The following TMC1 variants were observed in gnomAD, a reference collection of about 807,000 sequenced individuals.
The protein encoded by TMC1 is transmembrane channel like 1, also known as transmembrane channel-like protein 1.
Under a neutral mutation model 105.8 loss-of-function variants are expected in TMC1, and 84 were observed. That is an observed-to-expected ratio of 0.79 (90% CI 0.67 to 0.95). The LOEUF (loss-of-function observed/expected upper bound fraction) is 0.95. TMC1 is among the 40% of genes least tolerant of loss of function. The pLI, the probability that TMC1 is intolerant of heterozygous loss-of-function variation, is 0.00. For missense variants in TMC1, 817 were observed against 914.1 expected (o/e 0.89, Z 1.37); for synonymous variants, 315 against 311.5 (o/e 1.01, Z -0.12).
chr9:72,603,848 G>GTTGTTTTTTTTTTTTTTTTTT (rs1824863791), intron 2 of TMC1, among the ~76,000 whole-genome samples: 1 of 74,006 alleles, frequency 1.4e-5, no homozygotes, highest in Non-Finnish European at 2.5e-5. Context: ...GCGACCGGCT[G>GTTGTTTTTTTTTTTTTTTTTT]TTTTTTTTTT....
At chr9:72,676,639 T>C (rs1171317966) in intron 5 of TMC1, among the ~76,000 whole-genome samples, 1 of 152,120 alleles carries the variant, frequency 6.6e-6, no homozygotes, top group Non-Finnish European at 1.5e-5. Flanking sequence ...AAACATAGGC[T>C]CATTCTCCTA....
intron 5 of TMC1, among the ~76,000 whole-genome samples, chr9:72,683,015 C>T (rs952494360): frequency 1.3e-5 from 2 of 152,270 alleles, no homozygotes; most frequent in African/African-American, 4.8e-5. Context: ...CTCACTATTC[C>T]AGGAACAGCA....
intron 10 of TMC1, among the ~76,000 whole-genome samples, chr9:72,748,441 A>T (rs1827528075): frequency 6.6e-6 from 1 of 152,136 alleles, no homozygotes; most frequent in Non-Finnish European, 1.5e-5. Flanking sequence ...ATAATACTTA[A>T]CCTCATTAAG....
chr9:72,553,568 G>A (rs1026666150), intron 1 of TMC1, among the ~76,000 whole-genome samples: 19 of 152,170 alleles, frequency 1.2e-4, no homozygotes, highest in African/African-American at 4.6e-4. Context: ...GAATTATACT[G>A]TAGTAGTATG....
Position 72,792,347 on chromosome 9 carries a change from G to A in TMC1, c.1561G>A (p.Gly521Arg). 6.2e-7 allele frequency: 1 copy of A among 1,613,882 alleles called. No individual in the cohort carries two copies. Among genetic ancestry groups the A allele is most frequent in the Non-Finnish European group, 8.5e-7 (1 of 1,179,964 alleles). The change falls in exon 17 of 24, where the codon GGA becomes AGA. Residue 521 changes from glycine (G) to arginine (R), a missense_variant. By Grantham distance (125) the Gly-to-Arg change is moderately radical (BLOSUM62 -2). Transcript: ENST00000297784. ...AGGACCTTGCTGGGAAACAATGGTG[G>A]GACAGGTAATGCCACCAACAGAAGT... ...PRGPCWETMV[G>R]QEFVRLTVSD...
intron 1 of TMC1, among the ~76,000 whole-genome samples, chr9:72,550,480 A>C (rs1823842386): frequency 6.6e-6 from 1 of 151,294 alleles, no homozygotes; most frequent in Admixed American, 6.6e-5. Context: ...AACATGGTAA[A>C]ACCCCGTTTC....
intron 17 of TMC1, among the ~76,000 whole-genome samples, chr9:72,798,885 TTAA>T (rs1828419497): frequency 6.6e-6 from 1 of 152,032 alleles, no homozygotes; most frequent in Non-Finnish European, 1.5e-5. Context: ...CTAAGAAATT[TTAA>T]TAATGTCAAT....
chr9:72,749,968 G>T (rs1236315587), intron 10 of TMC1, among the ~76,000 whole-genome samples: 1 of 152,060 alleles, frequency 6.6e-6, no homozygotes, highest in Non-Finnish European at 1.5e-5. Context: ...TTAGCCAGGT[G>T]TGGTGGTGGG....
rs1829019907 is a variant in TMC1, at chr9:72,830,384, A to G, written c.2130-67A>G. On this transcript the variant is annotated intron_variant, in intron 21 of 23. Coordinates refer to ENST00000297784, the MANE Select transcript of TMC1 (RefSeq NM_138691.3). ...TGATATTTCATAATTTACTTAATGT[A>G]AATTTAAGAAGTATCTTGGGGAACT... is the stretch of plus-strand genomic sequence containing the variant. 9 of 1,060,252 alleles carry G rather than the reference A, an allele frequency of 8.5e-6. No homozygotes were observed. In the East Asian group the frequency reaches 2.2e-4, roughly 26 times the overall value. 65.7% of individuals were successfully genotyped at this position (1,060,252 alleles called of 1,614,324 possible). A position where few individuals can be genotyped will look rare whatever the true frequency, so the allele number is the denominator to read the frequency against.
At chr9:72,757,869 G>A (rs938049351) in intron 12 of TMC1, among the ~76,000 whole-genome samples, 1 of 152,100 alleles carries the variant, frequency 6.6e-6, no homozygotes, top group East Asian at 1.9e-4. Context: ...TTAGGAAACC[G>A]AATTGGGATG....
chr9:72,657,097 A>G (rs1044711288), intron 5 of TMC1, among the ~76,000 whole-genome samples: 2 of 152,216 alleles, frequency 1.3e-5, no homozygotes, highest in African/African-American at 4.8e-5. Context: ...AAAGGATTCA[A>G]AGATCTCCAG....
At chr9:72,619,367 A>G (rs1338085854) in intron 3 of TMC1, among the ~76,000 whole-genome samples, 1 of 152,210 alleles carries the variant, frequency 6.6e-6, no homozygotes, top group Non-Finnish European at 1.5e-5. Flanking sequence ...ACCTTGTAGA[A>G]GAGAAGTTTA....
chr9:72,665,002 T>A (rs996450486), intron 5 of TMC1, among the ~76,000 whole-genome samples: 1 of 152,046 alleles, frequency 6.6e-6, no homozygotes, highest in African/African-American at 2.4e-5. Context: ...GTCTACATGC[T>A]CCCTCTCCTA....
At chr9:72,540,240 CTTG>C (rs1184321651) in intron 1 of TMC1, among the ~76,000 whole-genome samples, 1 of 152,228 alleles carries the variant, frequency 6.6e-6, no homozygotes, top group East Asian at 1.9e-4. Context: ...CACCTTGTTT[CTTG>C]TTGTTTTCTA....
intron 18 of TMC1, among the ~76,000 whole-genome samples, chr9:72,810,645 A>G (rs1272873289): frequency 6.6e-6 from 1 of 152,170 alleles, no homozygotes; most frequent in East Asian, 1.9e-4. Flanking sequence ...TAGACTGGTT[A>G]CTTGCTTTTA....
intron 2 of TMC1, among the ~76,000 whole-genome samples, chr9:72,596,997 G>A (rs1824732014): frequency 6.6e-6 from 1 of 152,124 alleles, no homozygotes; most frequent in Non-Finnish European, 1.5e-5. Flanking sequence ...AGCAACCCTT[G>A]TAAATATTTG....
intron 12 of TMC1, among the ~76,000 whole-genome samples, chr9:72,772,098 A>G (rs955011369): frequency 6.6e-6 from 1 of 152,194 alleles, no homozygotes; most frequent in East Asian, 1.9e-4. Flanking sequence ...CGTAAATCTA[A>G]TGATACCACG....
At chr9:72,684,620 A>G (rs1228872137) in intron 5 of TMC1, among the ~76,000 whole-genome samples, 2 of 152,202 alleles carry the variant, frequency 1.3e-5, no homozygotes, top group Non-Finnish European at 2.9e-5. Flanking sequence ...TTTCCAGTCC[A>G]GACCTTTCTT....
intron 18 of TMC1, among the ~76,000 whole-genome samples, chr9:72,813,186 G>A (rs1828732239): frequency 6.6e-6 from 1 of 151,228 alleles, no homozygotes. Context: ...TTTTACCTTT[G>A]AGCTTTTTCT....
Sources: allele counts gnomAD v4.1 joint callset (sites outside exome capture counted in the v4.1 genomes callset), GRCh38; gene constraint gnomAD v4.1.1; transcripts MANE v1.5; gene names NCBI Gene and HGNC (gene_info 2026-07-23, HGNC 2026-07-21).